Variants in ATE1 observed in about 807,000 individuals in gnomAD.
The protein encoded by ATE1 is arginyl-tRNA--protein transferase 1.
Under a neutral mutation model 70.5 loss-of-function variants are expected in ATE1, and 36 were observed. The observed-to-expected ratio is 0.51, with a 90% confidence interval of 0.39 to 0.67. The LOEUF (loss-of-function observed/expected upper bound fraction) is 0.67. Ranked by LOEUF, ATE1 falls within the 30% of genes least tolerant of loss-of-function variation. The probability of loss-of-function intolerance (pLI) is 0.00; values close to 1 mark genes in which losing one functional copy is unlikely to be tolerated. For missense variants in ATE1, 593 were observed against 629.5 expected (o/e 0.94, Z 0.62); for synonymous variants, 232 against 219.3 (o/e 1.06, Z -0.51).
intron 7 of ATE1, among the ~76,000 whole-genome samples, chr10:121,895,226 C>T (rs577114065): frequency 3.3e-5 from 5 of 152,286 alleles, no homozygotes; most frequent in Non-Finnish European, 7.3e-5. Context: ...TAATTCCACG[C>T]GTACGTATAC....
chr10:121,807,071 G>C (rs1947127388), intron 10 of ATE1, among the ~76,000 whole-genome samples: 1 of 152,144 alleles, frequency 6.6e-6, no homozygotes, highest in African/African-American at 2.4e-5. Context: ...TAAGTCATCA[G>C]TACCAAAAGA....
chr10:121,796,638 T>TA (rs1446920466), intron 10 of ATE1, among the ~76,000 whole-genome samples: 1 of 152,170 alleles, frequency 6.6e-6, no homozygotes, highest in Non-Finnish European at 1.5e-5. Flanking sequence ...AAGACTCAAT[T>TA]AAAAAAATTA....
In ATE1 at chr10:121,763,995, G is replaced by A. The variant is rs115842662; in HGVS notation, c.1379-20137C>T. 4.1e-3 allele frequency among the ~76,000 whole-genome samples: 629 copies of A among 152,246 alleles called. 7 individuals carry two copies. Among genetic ancestry groups the A allele is most frequent in the African/African-American group, 0.015 (607 of 41,544 alleles). On this transcript the variant is annotated intron_variant, in intron 11 of 11. Transcript: ENST00000224652. ...TGCCACTGCACTCCAGAGCGACACAGCAAGACCCTGTCTTAAAAAAATAAA... is the reference window on the plus strand; with the variant it reads ...TGCCACTGCACTCCAGAGCGACACAACAAGACCCTGTCTTAAAAAAATAAA...
intron 5 of ATE1, among the ~76,000 whole-genome samples, chr10:121,904,143 T>G (rs1259375322): frequency 6.6e-6 from 1 of 151,526 alleles, no homozygotes; most frequent in Non-Finnish European, 1.5e-5. Context: ...CCACCATGCC[T>G]GGCTAATTTT....
At chr10:121,892,258 G>A (rs1053537775) in intron 7 of ATE1, among the ~76,000 whole-genome samples, 1 of 117,088 alleles carries the variant, frequency 8.5e-6, no homozygotes, top group Non-Finnish European at 2.0e-5. Flanking sequence ...AATCTCATCT[G>A]CAGCAGTGAC....
intron 2 of ATE1, among the ~76,000 whole-genome samples, chr10:121,923,337 CA>C (rs1421562753): frequency 6.6e-6 from 1 of 152,182 alleles, no homozygotes; most frequent in Non-Finnish European, 1.5e-5. Context: ...TTGTGATGCA[CA>C]CCTGTAGTCC....
At chr10:121,804,964 C>A (rs1684756411) in intron 10 of ATE1, among the ~76,000 whole-genome samples, 2 of 152,104 alleles carry the variant, frequency 1.3e-5, no homozygotes. Context: ...GCAGACTCCA[C>A]TGTGTGTTTG....
intron 7 of ATE1, among the ~76,000 whole-genome samples, chr10:121,887,552 A>T (rs572548004): frequency 2.0e-5 from 3 of 152,178 alleles, no homozygotes; most frequent in African/African-American, 4.8e-5. Context: ...AAAAAAATTT[A>T]AAAATTAGCT....
At position 121,743,619 on chromosome 10, in the gene ATE1, A is replaced by G; in HGVS notation, c.*61T>C. ...ACAGTTATTTCCCCACAGGTACTGA[A>G]TATGTATCCTGGCACAAATCATCAG... is the stretch of plus-strand genomic sequence containing the variant. On this transcript the variant is annotated 3_prime_UTR_variant, in exon 12 of 12. Coordinates refer to ENST00000224652, the MANE Select transcript of ATE1 (RefSeq NM_001001976.3). 3.3e-6 allele frequency: 5 copies of G among 1,494,494 alleles called. No individual in the cohort carries two copies. The highest frequency in any genetic ancestry group is 2.3e-4 in the Middle Eastern group (1 of 4,420). The allele number at this position is 1,494,494 out of a possible 1,614,324, so 92.6% of individuals were successfully genotyped here. A position where few individuals can be genotyped will look rare whatever the true frequency, so the allele number is the denominator to read the frequency against.
At position 121,822,118 on chromosome 10, in the gene ATE1, T is replaced by C. The variant is rs542081034; in HGVS notation, c.1257+14600A>G. Among the ~76,000 whole-genome samples, 22 of 152,282 alleles carry C rather than the reference T, an allele frequency of 1.4e-4. No individual in the cohort carries two copies. In the South Asian group the frequency reaches 2.3e-3, roughly 16 times the overall value. On this transcript the variant is annotated intron_variant, in intron 10 of 11. Transcript: ENST00000224652. ...AACATAATGTTCACAGCTGCACTTA[T>C]ATTAGCCAAAACCTAGAAACAATCC... is the stretch of plus-strand genomic sequence containing the variant.
At chr10:121,880,581 A>G (rs887366631) in intron 7 of ATE1, among the ~76,000 whole-genome samples, 6 of 150,000 alleles carry the variant, frequency 4.0e-5, no homozygotes, top group African/African-American at 9.8e-5. Context: ...ATATATATGT[A>G]TATATATATA....
chr10:121,765,506 A>G (rs1293599444), intron 11 of ATE1, among the ~76,000 whole-genome samples: 1 of 152,224 alleles, frequency 6.6e-6, no homozygotes, highest in African/African-American at 2.4e-5. Flanking sequence ...TGATGTGGAA[A>G]AAATCCGCAT....
chr10:121,894,028 T>G (rs1452190068), intron 7 of ATE1, among the ~76,000 whole-genome samples: 1 of 150,980 alleles, frequency 6.6e-6, no homozygotes, highest in Non-Finnish European at 1.5e-5. Flanking sequence ...TCCCAGCTAC[T>G]AGGTAGGCTG....
At chr10:121,886,842 G>A (rs1160178876) in intron 7 of ATE1, among the ~76,000 whole-genome samples, 3 of 152,108 alleles carry the variant, frequency 2.0e-5, no homozygotes, top group Non-Finnish European at 4.4e-5. Flanking sequence ...CTTACTGTGT[G>A]TGCCTATATA....
At chr10:121,911,485 G>A (rs1442093146) in intron 4 of ATE1, among the ~76,000 whole-genome samples, 1 of 151,646 alleles carries the variant, frequency 6.6e-6, no homozygotes, top group East Asian at 1.9e-4. Context: ...CCCTAGCAGG[G>A]CAATGTACTG....
intron 10 of ATE1, among the ~76,000 whole-genome samples, chr10:121,815,141 T>G (rs1947485209): frequency 6.6e-6 from 1 of 152,182 alleles, no homozygotes; most frequent in Non-Finnish European, 1.5e-5. Flanking sequence ...TGGGAATTTT[T>G]TTGTTTTTGT....
chr10:121,908,170 G>A lies in ATE1; in HGVS notation c.583+2736C>T, dbSNP rs546278722. Among the ~76,000 whole-genome samples the A allele has an allele frequency of 6.6e-5, 10 of 152,240 alleles. No homozygotes were observed. The South Asian group carries it at 8.3e-4, about 13-fold the overall frequency. On this transcript the variant is annotated intron_variant, in intron 5 of 11. Coordinates refer to ENST00000224652, the MANE Select transcript of ATE1 (RefSeq NM_001001976.3). ...GAAAACTAACTGGTCACTGTTAGACGTTATTTTGAAAAATGATAAATAAAA... is the reference window on the plus strand; with the variant it reads ...GAAAACTAACTGGTCACTGTTAGACATTATTTTGAAAAATGATAAATAAAA...
intron 7 of ATE1, among the ~76,000 whole-genome samples, chr10:121,879,722 C>T (rs762162439): frequency 1.3e-5 from 2 of 152,170 alleles, no homozygotes; most frequent in Non-Finnish European, 2.9e-5. Context: ...CATCAGGTCA[C>T]GGTGAGATTC....
At chr10:121,867,075 A>G (rs2133997804) in intron 8 of ATE1, among the ~76,000 whole-genome samples, 1 of 152,274 alleles carries the variant, frequency 6.6e-6, no homozygotes, top group Admixed American at 6.5e-5. Context: ...CAAATTATGG[A>G]TGAAAGACTG....
Sources: allele counts gnomAD v4.1 joint callset (sites outside exome capture counted in the v4.1 genomes callset), GRCh38; gene constraint gnomAD v4.1.1; transcripts MANE v1.5; gene names NCBI Gene and HGNC (gene_info 2026-07-23, HGNC 2026-07-21).